Variants in SCOC observed in about 807,000 individuals in gnomAD.
SCOC encodes the protein short coiled coil protein.
In SCOC, 7 loss-of-function variants were observed where a neutral mutation model predicts 9.9. That is an observed-to-expected ratio of 0.71 (90% confidence interval 0.40 to 1.33). The LOEUF (loss-of-function observed/expected upper bound fraction) is 1.33. Ranked by LOEUF, SCOC falls within the 40% of genes most tolerant of loss-of-function variation. The probability of loss-of-function intolerance (pLI) is 0.01; values close to 1 mark genes in which losing one functional copy is unlikely to be tolerated. For missense variants in SCOC, 66 were observed against 89.7 expected, an observed-to-expected ratio of 0.74 and a Z score of 1.07; for synonymous variants, 19 against 28.2, an observed-to-expected ratio of 0.67 and a Z score of 1.03.
chr4:140,265,449 A>G (rs573640201), intron 1 of SCOC, among the ~76,000 whole-genome samples: 53 of 152,344 alleles, frequency 3.5e-4, no homozygotes, highest in African/African-American at 1.3e-3. Flanking sequence ...TGAACAATGA[A>G]CAATTTGCAA....
At chr4:140,366,403 AGCAGCT>A (rs1727798856) in intron 2 of SCOC, 1 of 1,298,522 alleles carries the variant, frequency 7.7e-7, no homozygotes, top group Non-Finnish European at 1.1e-6. Flanking sequence ...GAACTTTAGC[AGCAGCT>A]GCAGCAGCAG....
upstream of SCOC, chr4:140,373,364 G>A (rs972188491): frequency 2.1e-6 from 3 of 1,440,872 alleles, no homozygotes; most frequent in Non-Finnish European, 2.7e-6. Flanking sequence ...TAGACCTGAT[G>A]AGCCGCTTCA....
intron 1 of SCOC, among the ~76,000 whole-genome samples, chr4:140,324,891 A>G: frequency 6.6e-6 from 1 of 151,322 alleles, no homozygotes; most frequent in Non-Finnish European, 1.5e-5. Flanking sequence ...CTGAAAAAGA[A>G]AAAAAAAAGT....
intron 2 of SCOC, among the ~76,000 whole-genome samples, chr4:140,362,313 T>TCTTCTTCTTCTTCTTCCTCTTCCTC: frequency 1.2e-5 from 1 of 84,226 alleles, no homozygotes; most frequent in Admixed American, 1.3e-4. Context: ...TTTTTTTTTT[T>TCTTCTTCTTCTTCTTCCTCTTCCTC]TTGTGAGAGT....
At position 140,317,629 on chromosome 4, in the gene SCOC, C is replaced by CT. The variant is rs202182514; in HGVS notation, c.-18-25978dup. Among the ~76,000 whole-genome samples the CT allele has an allele frequency of 1.3e-3, 166 of 130,840 alleles. 2 individuals are homozygous for CT. Among genetic ancestry groups the CT allele is most frequent in the East Asian group, 0.012 (56 of 4,612 alleles). 85.8% of individuals were successfully genotyped at this position (130,840 alleles called of 152,430 possible). On this transcript the variant is annotated intron_variant, in intron 1 of 4. Transcript: ENST00000394205. ...TCCCAGCTGAATAAAGCCCTTCCTT[C>CT]TTTTTTTTTTTTTTCTACTGTTTGC...
At chr4:140,358,631 A>T (rs1727334229) in intron 2 of SCOC, among the ~76,000 whole-genome samples, 1 of 152,198 alleles carries the variant, frequency 6.6e-6, no homozygotes, top group African/African-American at 2.4e-5. Context: ...AAATTCTTTC[A>T]TTGCATCTAG....
At chr4:140,289,248 C>G (rs1057490791) in intron 1 of SCOC, among the ~76,000 whole-genome samples, 2 of 152,228 alleles carry the variant, frequency 1.3e-5, no homozygotes, top group Non-Finnish European at 2.9e-5. Context: ...ACTTTTCCCA[C>G]TGGGACACAA....
At chr4:140,347,848 A>G (rs1404207204) in intron 2 of SCOC, among the ~76,000 whole-genome samples, 1 of 152,096 alleles carries the variant, frequency 6.6e-6, no homozygotes, top group Non-Finnish European at 1.5e-5. Context: ...TACTCTTACT[A>G]TGGTTTATTT....
upstream of SCOC, among the ~76,000 whole-genome samples, chr4:140,340,950 C>T (rs1209192302): frequency 1.3e-5 from 2 of 151,642 alleles, no homozygotes; most frequent in Non-Finnish European, 2.9e-5. Flanking sequence ...TGCCACTATG[C>T]CTGGCTAATA....
chr4:140,369,004 T>G (rs1330665929), upstream of SCOC, among the ~76,000 whole-genome samples: 3 of 152,040 alleles, frequency 2.0e-5, no homozygotes, highest in African/African-American at 7.2e-5. Context: ...TATGATAAAG[T>G]CCAAAGCTTG....
chr4:140,349,403 T>C (rs923430387), intron 2 of SCOC, among the ~76,000 whole-genome samples: 37 of 152,190 alleles, frequency 2.4e-4, no homozygotes, highest in African/African-American at 8.7e-4. Flanking sequence ...AACAATAGCA[T>C]AGAGATCCAA....
At chr4:140,293,472 A>C (rs1325011496) in intron 1 of SCOC, 1 of 445,506 alleles carries the variant, frequency 2.2e-6, no homozygotes, top group African/African-American at 2.0e-5. Flanking sequence ...CTTGAGATGG[A>C]AATGCCGGTC....
At chr4:140,349,185 T>C (rs1726870937) in intron 2 of SCOC, among the ~76,000 whole-genome samples, 1 of 152,202 alleles carries the variant, frequency 6.6e-6, no homozygotes, top group African/African-American at 2.4e-5. Flanking sequence ...CACTGAGCCT[T>C]GGGTCCAGCC....
intron 1 of SCOC, among the ~76,000 whole-genome samples, chr4:140,279,487 T>G (rs1450834835): frequency 2.6e-5 from 4 of 152,176 alleles, no homozygotes; most frequent in Non-Finnish European, 5.9e-5. Context: ...TTAAAGAATT[T>G]GTTTCAAGGA....
chr4:140,379,699 A>T (rs1171335673), intron 3 of SCOC, 47 bp downstream of exon 3: 8 of 1,387,962 alleles, frequency 5.8e-6, no homozygotes, highest in Non-Finnish European at 8.1e-6. Context: ...CAATTAATTG[A>T]ACTTGTAAAA....
intron 2 of SCOC, among the ~76,000 whole-genome samples, chr4:140,346,541 GAGA>G (rs1726748616): frequency 2.0e-5 from 3 of 152,152 alleles, no homozygotes; most frequent in Admixed American, 2.0e-4. Flanking sequence ...ACTAACTCTT[GAGA>G]AGGTTTGTTT....
In SCOC at chr4:140,343,653, GA is replaced by G. The variant is rs1172890562; in HGVS notation, c.18del (p.Glu7ArgfsTer17). The G allele has an allele frequency of 6.2e-7, 1 of 1,613,498 alleles. No individual in the cohort carries two copies. Among genetic ancestry groups the G allele is most frequent in the Non-Finnish European group, 8.5e-7 (1 of 1,179,688 alleles). ...AATTGAACAAGATGGACGGGTCCAG[GA>G]AAGAGGAGGAGGAAGACAGCACATT... On this transcript the variant is annotated frameshift_variant, in exon 2 of 5. Coordinates refer to the SCOC transcript ENST00000338517. LOFTEE classifies it high-confidence loss of function.
chr4:140,275,953 G>A (rs1730970581), intron 1 of SCOC, among the ~76,000 whole-genome samples: 2 of 151,060 alleles, frequency 1.3e-5, no homozygotes, highest in Non-Finnish European at 2.9e-5. Flanking sequence ...CCTCCCGAGT[G>A]CTTGGGACTA....
At position 140,385,451 on chromosome 4, in the gene SCOC, C is replaced by CT. The variant is rs545091225; in HGVS notation, c.*4350dup. ...TTTGTTGCCAAAATGCTAGGAAAAT[C>CT]TTTAACTTTTCAGAGATTTTTGGTC... On this transcript the variant is annotated 3_prime_UTR_variant, in exon 4 of 4. Transcript: ENST00000608372. 156 of 152,292 alleles carry CT rather than the reference C, an allele frequency of 1.0e-3. No homozygotes were observed. The East Asian group carries it at 0.021, about 21-fold the overall frequency. 9.4% of individuals were successfully genotyped at this position (152,292 alleles called of 1,614,324 possible). A position where few individuals can be genotyped will look rare whatever the true frequency, so the allele number is the denominator to read the frequency against.
Sources: gnomAD v4.1 joint callset for allele counts (sites outside exome capture counted in the v4.1 genomes callset) on GRCh38, gnomAD v4.1.1 for gene constraint, MANE v1.5 for transcripts, NCBI Gene and HGNC (gene_info 2026-07-23, HGNC 2026-07-21) for gene names.